Variants in CATSPERE observed in about 807,000 individuals in gnomAD.
CATSPERE encodes catsper channel auxiliary subunit epsilon.
CATSPERE carries 93 observed loss-of-function variants against 114.1 expected under a neutral mutation model. The observed-to-expected ratio is 0.81, with a 90% CI of 0.69 to 0.97. The LOEUF (loss-of-function observed/expected upper bound fraction) is 0.97, where lower values mean the gene tolerates loss of function less well. Among genes scored for constraint, CATSPERE ranks in the 50% least tolerant of loss-of-function variants. CATSPERE has a pLI of 0.00. For synonymous variants in CATSPERE, 341 were observed against 384.1 expected (o/e 0.89, Z 1.31); for missense variants, 1,058 against 1,131.6 (o/e 0.93, Z 0.93).
In CATSPERE at chr1:244,593,428, G is replaced by A. The variant is rs1373003050; in HGVS notation, c.2223G>A (p.Leu741=). The change falls in exon 16 of 22, where the codon TTG becomes TTA. Residue 741 remains leucine, a splice_region_variant and synonymous_variant. Transcript: ENST00000366534. ...SYLRHQPSKN[L]RVRYIWGEYG... ...TGAGGCATCAGCCATCGAAAAACTT[G>A]GTAAGAAAATGATAAAATTCTGTCA... 1 of 1,613,150 alleles carries A rather than the reference G, an allele frequency of 6.2e-7. No homozygotes were observed. Among genetic ancestry groups the A allele is most frequent in the Non-Finnish European group, 8.5e-7 (1 of 1,179,876 alleles).
chr1:244,456,364 A>G (rs1020396471), upstream of CATSPERE, among the ~76,000 whole-genome samples: 1 of 151,996 alleles, frequency 6.6e-6, no homozygotes, highest in Non-Finnish European at 1.5e-5. Flanking sequence ...CAGTAATCCA[A>G]TTAAGAAACT....
chr1:244,530,611 A>G (rs189009970), intron 8 of CATSPERE, among the ~76,000 whole-genome samples: 4 of 152,284 alleles, frequency 2.6e-5, no homozygotes, highest in African/African-American at 9.6e-5. Flanking sequence ...TGCTTTGGGT[A>G]GTGCAGACAT....
chr1:244,452,279 G>T, upstream of CATSPERE: 1 of 154,912 alleles, frequency 6.5e-6, no homozygotes, highest in Non-Finnish European at 1.4e-5. Context: ...ATCCCAGCAT[G>T]CAACGCTCTG....
intron 20 of CATSPERE, among the ~76,000 whole-genome samples, chr1:244,624,876 C>T (rs1459008595): frequency 6.6e-6 from 1 of 152,046 alleles, no homozygotes; most frequent in Non-Finnish European, 1.5e-5. Context: ...CAAGTTTTAT[C>T]ATGACATTGT....
chr1:244,511,680 A>C (rs1335312531), intron 7 of CATSPERE, among the ~76,000 whole-genome samples: 1 of 152,156 alleles, frequency 6.6e-6, no homozygotes, highest in Non-Finnish European at 1.5e-5. Context: ...ATTATGGTAG[A>C]TACCATCCTT....
intron 8 of CATSPERE, among the ~76,000 whole-genome samples, chr1:244,546,787 A>T (rs1659824759): frequency 6.6e-6 from 1 of 152,206 alleles, no homozygotes; most frequent in South Asian, 2.1e-4. Flanking sequence ...ATATACAGTT[A>T]TGATGGAAAA....
chr1:244,531,521 A>ATT (rs60993251), intron 8 of CATSPERE, among the ~76,000 whole-genome samples: 18,267 of 149,726 alleles, frequency 0.12, 1,808 homozygotes, highest in African/African-American at 0.28. Flanking sequence ...AGTTTTTAAA[A>ATT]TTTTTTTTTT....
chr1:244,639,714 A>G (rs566631890), intron 21 of CATSPERE, among the ~76,000 whole-genome samples: 6 of 149,178 alleles, frequency 4.0e-5, no homozygotes, highest in African/African-American at 1.2e-4. Flanking sequence ...TCCTCCTCCC[A>G]TTGCATCACT....
intron 20 of CATSPERE, among the ~76,000 whole-genome samples, chr1:244,625,422 A>ATTTTTTTTT (rs1349807713): frequency 2.0e-3 from 8 of 4,040 alleles, no homozygotes; most frequent in Non-Finnish European, 5.6e-3. Context: ...ATATATATAT[A>ATTTTTTTTT]TATATATATA....
At chr1:244,490,020 G>C (rs1052770520) in intron 5 of CATSPERE, among the ~76,000 whole-genome samples, 1 of 152,198 alleles carries the variant, frequency 6.6e-6, no homozygotes, top group South Asian at 2.1e-4. Context: ...AGATTGTAAA[G>C]TGGTTAGAAA....
chr1:244,584,071 ATCC>A (rs1293292228), intron 13 of CATSPERE, 132 bp downstream of exon 13: 4 of 595,872 alleles, frequency 6.7e-6, no homozygotes, highest in East Asian at 6.0e-5. Flanking sequence ...ATAGAGTACC[ATCC>A]TCCTATTACT....
chr1:244,619,582 A>C (rs1268605087), intron 20 of CATSPERE, among the ~76,000 whole-genome samples: 3 of 152,184 alleles, frequency 2.0e-5, no homozygotes, highest in African/African-American at 7.2e-5. Flanking sequence ...TTCTTCCAAG[A>C]GACTTTTCCG....
intron 8 of CATSPERE, among the ~76,000 whole-genome samples, chr1:244,542,105 T>C (rs1658898535): frequency 6.7e-6 from 1 of 148,352 alleles, no homozygotes; most frequent in Non-Finnish European, 1.5e-5. Flanking sequence ...CATGTATACA[T>C]ATGTAACAAA....
rs1022914594 is a variant in CATSPERE at position 244,510,988 on chromosome 1, C to T, written c.430-7604C>T. ...CCTCCCGAGTAGCTGGGATTATAGG[C>T]GCCCACCAGCACACCTGGCTAATTT... On this transcript the variant is annotated intron_variant, in intron 7 of 21. Coordinates refer to ENST00000366534, the MANE Select transcript of CATSPERE (RefSeq NM_001130957.2). Among the ~76,000 whole-genome samples the T allele has an allele frequency of 1.8e-4, 27 of 151,424 alleles. 1 individual carries two copies. Among genetic ancestry groups the T allele is most frequent in the Admixed American group, 7.3e-4 (11 of 15,172 alleles).
Position 244,461,509 on chromosome 1 carries a change from G to A in CATSPERE, c.65+15G>A. 4 of 1,301,882 alleles carry A rather than the reference G, an allele frequency of 3.1e-6. No individual in the cohort carries two copies. The highest frequency in any genetic ancestry group is 3.9e-6 in the Non-Finnish European group (4 of 1,015,860). 80.6% of individuals were successfully genotyped at this position (1,301,882 alleles called of 1,614,324 possible). On this transcript the variant is annotated intron_variant, in intron 1 of 21. Transcript: ENST00000366534. ...GCCCTTTGGAGGTAGAGAGACGCCA[G>A]TCGCAGGCGAGCGACTAGGCGGGGA... is the stretch of plus-strand genomic sequence containing the variant.
At chr1:244,508,405 A>G (rs1365586511) in intron 7 of CATSPERE, among the ~76,000 whole-genome samples, 1 of 149,462 alleles carries the variant, frequency 6.7e-6, no homozygotes, top group Non-Finnish European at 1.5e-5. Flanking sequence ...GGTTCACACC[A>G]TTCTCCTGCC....
At chr1:244,547,630 A>G (rs893112587) in intron 8 of CATSPERE, among the ~76,000 whole-genome samples, 1 of 152,220 alleles carries the variant, frequency 6.6e-6, no homozygotes, top group African/African-American at 2.4e-5. Flanking sequence ...TATTATAACT[A>G]TAAGATGTTA....
intron 5 of CATSPERE, among the ~76,000 whole-genome samples, chr1:244,489,724 T>C (rs1671659930): frequency 6.6e-6 from 1 of 152,080 alleles, no homozygotes; most frequent in African/African-American, 2.4e-5. Flanking sequence ...ATGGATTAAC[T>C]GTGCACCAAT....
At chr1:244,468,268 A>G (rs1667936537) in intron 2 of CATSPERE, among the ~76,000 whole-genome samples, 1 of 151,412 alleles carries the variant, frequency 6.6e-6, no homozygotes. Context: ...AATTTTTTGT[A>G]TTTTTAGTAA....
Sources: allele counts gnomAD v4.1 joint callset (sites outside exome capture counted in the v4.1 genomes callset), GRCh38; gene constraint gnomAD v4.1.1; transcripts MANE v1.5; gene names NCBI Gene and HGNC (gene_info 2026-07-23, HGNC 2026-07-21).